The following SPECC1 variants were observed in gnomAD, a reference collection of about 807,000 sequenced individuals.
SPECC1 encodes cytospin-B.
SPECC1 carries 62 observed loss-of-function variants against 104.1 expected under a neutral mutation model. The observed-to-expected ratio is 0.60, with a 90% CI of 0.49 to 0.74. The LOEUF is 0.74. Among genes scored for constraint, SPECC1 ranks in the 30% least tolerant of loss-of-function variants. SPECC1 has a pLI of 0.00. For missense variants in SPECC1, 1,306 were observed against 1,310.5 expected (o/e 1.00, Z 0.05); for synonymous variants, 513 against 501.6 (o/e 1.02, Z -0.30).
At chr17:20,132,556 T>G (rs1374416145) in intron 3 of SPECC1, among the ~76,000 whole-genome samples, 1 of 131,744 alleles carries the variant, frequency 7.6e-6, no homozygotes, top group Non-Finnish European at 1.7e-5. Context: ...TTTTTTTGGC[T>G]TTTTTTTTTG....
chr17:20,010,303 C>G (rs1274362362), intron 1 of SPECC1: 2 of 152,174 alleles, frequency 1.3e-5, no homozygotes, highest in African/African-American at 4.8e-5. Context: ...GGAAGAATTA[C>G]GCCGAGCTGG....
intron 1 of SPECC1, among the ~76,000 whole-genome samples, chr17:20,093,640 C>T (rs75383084): frequency 0.07 from 10,567 of 151,902 alleles, 516 homozygotes; most frequent in African/African-American, 0.14. Flanking sequence ...CCTAGGGGTG[C>T]ACCTGCTCCC....
At chr17:20,045,945 A>G (rs1057002775) in intron 1 of SPECC1, among the ~76,000 whole-genome samples, 3 of 151,708 alleles carry the variant, frequency 2.0e-5, no homozygotes, top group Admixed American at 6.6e-5. Flanking sequence ...CCCTCTGTTA[A>G]TTGGAAGATA....
At chr17:20,148,058 T>G (rs1212289544) in intron 3 of SPECC1, among the ~76,000 whole-genome samples, 1 of 152,104 alleles carries the variant, frequency 6.6e-6, no homozygotes, top group Non-Finnish European at 1.5e-5. Flanking sequence ...AGAAAAAAGA[T>G]GGACACTTTG....
In SPECC1 at chr17:20,009,368, T is replaced by C. The variant is rs1567790578; in HGVS notation, c.-78T>C. On this transcript the variant is annotated 5_prime_UTR_variant, in exon 1 of 15. Coordinates refer to ENST00000395527, the MANE Select transcript of SPECC1 (RefSeq NM_001243439.2). The surrounding 1 kb of genome is among the most constrained non-coding windows in gnomAD (Gnocchi z 5.2). Reference sequence around the variant, plus strand: ...CGCGGGTCCCTCTCCTGAGCATCAGTGAGCGCCCGGAGCCGTGGCCGCTGG... The same window carrying C: ...CGCGGGTCCCTCTCCTGAGCATCAGCGAGCGCCCGGAGCCGTGGCCGCTGG... 1 of 152,022 alleles carries C rather than the reference T, an allele frequency of 6.6e-6. No homozygotes were observed. The highest frequency in any genetic ancestry group is 1.9e-4 in the East Asian group (1 of 5,138). 9.4% of individuals were successfully genotyped at this position (152,022 alleles called of 1,614,324 possible). A position where few individuals can be genotyped will look rare whatever the true frequency, so the allele number is the denominator to read the frequency against.
chr17:20,224,178 C>T (rs1314658987), intron 4 of SPECC1, among the ~76,000 whole-genome samples: 1 of 152,170 alleles, frequency 6.6e-6, no homozygotes, highest in Non-Finnish European at 1.5e-5. Context: ...TGTTCCTTTT[C>T]CTTACTTTCC....
chr17:20,164,734 A>T (rs1472044532), intron 3 of SPECC1, among the ~76,000 whole-genome samples: 5 of 152,118 alleles, frequency 3.3e-5, no homozygotes, highest in African/African-American at 1.2e-4. Flanking sequence ...CTTGTTCACC[A>T]CCTTTGTAAT....
intron 3 of SPECC1, among the ~76,000 whole-genome samples, chr17:20,136,465 CT>C (rs2029988303): frequency 6.6e-6 from 1 of 150,906 alleles, no homozygotes; most frequent in Non-Finnish European, 1.5e-5. Flanking sequence ...AAACTCTAGT[CT>C]TTTATCAGGT....
At chr17:20,070,792 T>C (rs1268968103) in intron 1 of SPECC1, among the ~76,000 whole-genome samples, 1 of 152,050 alleles carries the variant, frequency 6.6e-6, no homozygotes. Context: ...TTGTCTCATC[T>C]TGTCATTGAC....
intron 12 of SPECC1, among the ~76,000 whole-genome samples, chr17:20,288,846 C>T (rs938383186): frequency 3.7e-5 from 5 of 136,906 alleles, no homozygotes; most frequent in South Asian, 2.3e-4. Flanking sequence ...TGCAGTGGTG[C>T]GATCTCGGCT....
intron 1 of SPECC1, among the ~76,000 whole-genome samples, chr17:20,050,537 C>T (rs2045701752): frequency 6.6e-6 from 1 of 152,106 alleles, no homozygotes; most frequent in Non-Finnish European, 1.5e-5. Context: ...TTCAGTAGTT[C>T]CTTCACAGTA....
At chr17:20,211,913 A>G (rs1024875305) in intron 4 of SPECC1, among the ~76,000 whole-genome samples, 17 of 152,150 alleles carry the variant, frequency 1.1e-4, no homozygotes, top group African/African-American at 3.9e-4. Flanking sequence ...TTCCTTTCAC[A>G]TGACCTCAGG....
intron 1 of SPECC1, among the ~76,000 whole-genome samples, chr17:20,092,560 T>G (rs1199912405): frequency 6.6e-6 from 1 of 152,110 alleles, no homozygotes; most frequent in East Asian, 1.9e-4. Context: ...TGTAGAAGAG[T>G]GTGTTCCTTG....
intron 3 of SPECC1, chr17:20,156,286 T>C (rs892968277): frequency 1.8e-5 from 21 of 1,135,922 alleles, no homozygotes; most frequent in African/African-American, 1.2e-4. Flanking sequence ...CCACCCCCCC[T>C]CCAGGCGCCC....
At chr17:20,196,949 G>A (rs1303291532) in intron 3 of SPECC1, among the ~76,000 whole-genome samples, 2 of 152,134 alleles carry the variant, frequency 1.3e-5, no homozygotes, top group African/African-American at 2.4e-5. Flanking sequence ...AGGCATTACA[G>A]TTTTTGTTTT....
intron 1 of SPECC1, among the ~76,000 whole-genome samples, chr17:20,033,438 G>A (rs2044910048): frequency 6.6e-6 from 1 of 152,102 alleles, no homozygotes; most frequent in African/African-American, 2.4e-5. Flanking sequence ...TTGCTATAAA[G>A]GAATACCTGA....
At chr17:20,131,338 T>C (rs1358857544) in intron 3 of SPECC1, among the ~76,000 whole-genome samples, 1 of 151,578 alleles carries the variant, frequency 6.6e-6, no homozygotes, top group African/African-American at 2.4e-5. Context: ...ATTACAGGCA[T>C]GCTAATTTTT....
chr17:20,204,621 T>C lies in SPECC1; in HGVS notation c.572T>C (p.Leu191Pro). 1 of 1,614,102 alleles carries C rather than the reference T, an allele frequency of 6.2e-7. No homozygotes were observed. The highest frequency in any genetic ancestry group is 8.5e-7 in the Non-Finnish European group (1 of 1,180,012). The change falls in exon 4 of 15, where the codon CTA becomes CCA. Residue 191 changes from leucine (L) to proline (P), a missense_variant. By Grantham distance (98) the Leu-to-Pro change is moderately conservative. Around this residue, in one of 2 missense-constraint regions of SPECC1, gnomAD observed 1,177 missense variants for 1,139.9 expected, o/e 1.03. Coordinates refer to ENST00000395527, the MANE Select transcript of SPECC1 (RefSeq NM_001243439.2). The part of the protein sequence containing the change: ...DSEINRLRSE[L>P]KKYKEKRTLN... The stretch of plus-strand genomic sequence containing the variant: ...GAAATTAACAGGCTTCGAAGTGAAC[T>C]AAAGAAATACAAAGAGAAAAGGACT...
chr17:20,060,150 C>T (rs571804881), intron 1 of SPECC1, among the ~76,000 whole-genome samples: 2 of 151,658 alleles, frequency 1.3e-5, no homozygotes, highest in South Asian at 4.2e-4. Context: ...TTTTTTTGGC[C>T]TCTGAAGAGT....
Sources: gnomAD v4.1 joint callset for allele counts (sites outside exome capture counted in the v4.1 genomes callset) on GRCh38, gnomAD v4.1.1 for gene constraint, gnomAD v4.1.1 regional missense constraint, Gnocchi (gnomAD v3.1) non-coding constraint, MANE v1.5 for transcripts, NCBI Gene and HGNC (gene_info 2026-07-23, HGNC 2026-07-21) for gene names.